The following IMMP2L variants were observed in gnomAD, a reference collection of about 807,000 sequenced individuals.
IMMP2L encodes the protein mitochondrial inner membrane protease subunit 2.
In IMMP2L, 18 loss-of-function variants were observed where a neutral mutation model predicts 19.3. That is an observed-to-expected ratio of 0.93 (90% CI 0.64 to 1.38). The LOEUF (loss-of-function observed/expected upper bound fraction) is 1.38, where lower values mean the gene tolerates loss of function less well. Among genes scored for constraint, IMMP2L ranks in the 40% most tolerant of loss-of-function variants. The pLI is 0.00. For synonymous variants in IMMP2L, 76 were observed against 73.0 expected, an observed-to-expected ratio of 1.04 and a Z score of -0.21; for missense variants, 233 against 218.2, an observed-to-expected ratio of 1.07 and a Z score of -0.43.
Position 110,712,973 on chromosome 7 carries a change from C to G in IMMP2L, c.409-49252G>C, listed in dbSNP as rs550927454. Among the ~76,000 whole-genome samples the G allele has an allele frequency of 1.2e-3, 179 of 151,790 alleles. 1 individual carries two copies. The highest frequency in any genetic ancestry group is 4.2e-3 in the African/African-American group (172 of 41,374). On this transcript the variant is annotated intron_variant, in intron 5 of 5. Coordinates refer to ENST00000405709, the MANE Select transcript of IMMP2L (RefSeq NM_032549.4). ...AAATGCAGAAATCACCCGTCTTCTG[C>G]GTCACTCACGCTGGGAGCTGTAGAC...
intron 3 of IMMP2L, among the ~76,000 whole-genome samples, chr7:111,343,277 T>C (rs1827207187): frequency 6.6e-6 from 1 of 152,096 alleles, no homozygotes; most frequent in Non-Finnish European, 1.5e-5. Flanking sequence ...AAAATGGCTC[T>C]TGGAGTATTA....
intron 5 of IMMP2L, among the ~76,000 whole-genome samples, chr7:110,835,213 A>G (rs1458561625): frequency 6.6e-6 from 1 of 152,204 alleles, no homozygotes; most frequent in African/African-American, 2.4e-5. Flanking sequence ...AAAAGGATCA[A>G]AAGAGATTTT....
intron 3 of IMMP2L, among the ~76,000 whole-genome samples, chr7:111,031,726 T>C (rs1790843426): frequency 6.6e-6 from 1 of 152,114 alleles, no homozygotes; most frequent in Admixed American, 6.5e-5. Context: ...ATAGTGACTA[T>C]CTTCTGAAAA....
chr7:111,114,030 A>G (rs1489204129), intron 3 of IMMP2L, among the ~76,000 whole-genome samples: 1 of 152,176 alleles, frequency 6.6e-6, no homozygotes, highest in Admixed American at 6.5e-5. Context: ...ATAGAAATAA[A>G]GAGTGGACAA....
intron 3 of IMMP2L, among the ~76,000 whole-genome samples, chr7:111,428,076 GC>G (rs759485607): frequency 2.0e-5 from 3 of 151,692 alleles, no homozygotes; most frequent in Non-Finnish European, 4.4e-5. Context: ...CACCTCATTG[GC>G]TCAGTCCTGT....
At chr7:111,214,328 CTTCTTTTTT>C (rs1811662520) in intron 3 of IMMP2L, among the ~76,000 whole-genome samples, 2 of 85,110 alleles carry the variant, frequency 2.3e-5, no homozygotes, top group Admixed American at 1.3e-4. Flanking sequence ...AGTAATTTTT[CTTCTTTTTT>C]TTTTTTTTTT....
At chr7:111,494,757 T>C (rs1005970192) in intron 2 of IMMP2L, among the ~76,000 whole-genome samples, 21 of 152,044 alleles carry the variant, frequency 1.4e-4, no homozygotes, top group Non-Finnish European at 3.1e-4. Context: ...AGAGTAGCAG[T>C]CAACAAATAG....
rs372725975 is a variant in IMMP2L, at chr7:111,429,626, A to G, written c.239+57612T>C. Among the ~76,000 whole-genome samples, 6 of 152,048 alleles carry G rather than the reference A, an allele frequency of 3.9e-5. No individual in the cohort carries two copies. In the East Asian group the frequency reaches 7.7e-4, roughly 20 times the overall value. On this transcript the variant is annotated intron_variant, in intron 3 of 5. Coordinates refer to ENST00000405709, the MANE Select transcript of IMMP2L (RefSeq NM_032549.4). Reference sequence around the variant, plus strand: ...CATCCTTTCACAATAGCACAGAAGAATTAAGTAAACAATTTAAAGATTCAC... The same window carrying G: ...CATCCTTTCACAATAGCACAGAAGAGTTAAGTAAACAATTTAAAGATTCAC...
In IMMP2L at chr7:110,844,182, T is replaced by C. The variant is rs115837694; in HGVS notation, c.408+42411A>G. On this transcript the variant is annotated intron_variant, in intron 5 of 5. Coordinates refer to ENST00000405709, the MANE Select transcript of IMMP2L (RefSeq NM_032549.4). ...GAGAAACATTTTTCGACATCTATTATTTGCCAGTTCCACTGAGGAGAAGAG... is the reference window on the plus strand; with the variant it reads ...GAGAAACATTTTTCGACATCTATTACTTGCCAGTTCCACTGAGGAGAAGAG... Among the ~76,000 whole-genome samples the C allele has an allele frequency of 6.9e-3, 1,057 of 152,280 alleles. 16 individuals are homozygous for C. The highest frequency in any genetic ancestry group is 0.024 in the African/African-American group (1,011 of 41,556).
chr7:110,834,349 C>T (rs1306264960), intron 5 of IMMP2L, among the ~76,000 whole-genome samples: 2 of 102,078 alleles, frequency 2.0e-5, no homozygotes, highest in African/African-American at 6.4e-5. Context: ...CATATTAACA[C>T]AAAGTTAAGA....
chr7:110,942,981 C>A (rs1039020598), intron 4 of IMMP2L, among the ~76,000 whole-genome samples: 1 of 151,864 alleles, frequency 6.6e-6, no homozygotes, highest in South Asian at 2.1e-4. Flanking sequence ...ATTGACCACA[C>A]AATCTCTGAA....
At chr7:111,188,595 A>G (rs1314027753) in intron 3 of IMMP2L, among the ~76,000 whole-genome samples, 2 of 152,120 alleles carry the variant, frequency 1.3e-5, no homozygotes, top group South Asian at 2.1e-4. Context: ...TTCAGTCCAT[A>G]AGAGCTTATT....
chr7:111,505,305 A>G (rs1434885274), intron 2 of IMMP2L, among the ~76,000 whole-genome samples: 3 of 151,236 alleles, frequency 2.0e-5, no homozygotes, highest in Non-Finnish European at 4.4e-5. Context: ...AATGGCAATC[A>G]TTAAAAAGTC....
chr7:111,168,194 A>G (rs904939384), intron 3 of IMMP2L, among the ~76,000 whole-genome samples: 1 of 151,984 alleles, frequency 6.6e-6, no homozygotes, highest in Non-Finnish European at 1.5e-5. Context: ...AATCACTTAT[A>G]AATATGAATT....
intron 3 of IMMP2L, among the ~76,000 whole-genome samples, chr7:111,002,019 C>T (rs531791414): frequency 6.6e-5 from 10 of 152,054 alleles, no homozygotes; most frequent in East Asian, 1.9e-4. Context: ...AATTAAACTT[C>T]GGCACCCACT....
Position 110,931,492 on chromosome 7 carries a change from C to A in IMMP2L, c.305+32008G>T, listed in dbSNP as rs971375070. Among the ~76,000 whole-genome samples the A allele has an allele frequency of 4.6e-5, 7 of 152,274 alleles. No individual in the cohort carries two copies. The East Asian group carries it at 9.7e-4, about 21-fold the overall frequency. The stretch of plus-strand genomic sequence containing the variant: ...GTTCAGATTGAAATCCAAAGAGCCA[C>A]CTCTGATTCCTCTGTTTACTTCAGC... On this transcript the variant is annotated intron_variant, in intron 4 of 5. Transcript: ENST00000405709.
intron 3 of IMMP2L, among the ~76,000 whole-genome samples, chr7:110,982,522 A>T (rs1442738903): frequency 1.3e-5 from 2 of 152,140 alleles, no homozygotes; most frequent in Non-Finnish European, 2.9e-5. Context: ...TGAAGACCTA[A>T]CAACTCTCTG....
At chr7:110,675,230 C>T (rs889925358) in intron 5 of IMMP2L, among the ~76,000 whole-genome samples, 1 of 152,106 alleles carries the variant, frequency 6.6e-6, no homozygotes, top group Non-Finnish European at 1.5e-5. Flanking sequence ...GTGGTGACCC[C>T]TTTTGGACCA....
At chr7:110,957,010 T>A (rs1453182468) in intron 4 of IMMP2L, among the ~76,000 whole-genome samples, 1 of 152,002 alleles carries the variant, frequency 6.6e-6, no homozygotes, top group South Asian at 2.1e-4. Flanking sequence ...GTGGAACTAA[T>A]GGGTCTAAGT....
Sources: gnomAD v4.1 joint callset for allele counts (sites outside exome capture counted in the v4.1 genomes callset) on GRCh38, gnomAD v4.1.1 for gene constraint, MANE v1.5 for transcripts, NCBI Gene and HGNC (gene_info 2026-07-23, HGNC 2026-07-21) for gene names.